Variants in RECQL5 observed in about 807,000 individuals in gnomAD.
RECQL5 encodes ATP-dependent DNA helicase Q5.
In RECQL5, 88 loss-of-function variants were observed where a neutral mutation model predicts 103.4. The ratio of observed to expected loss-of-function variants is 0.85; its 90% confidence interval spans 0.72 to 1.02. The LOEUF (loss-of-function observed/expected upper bound fraction) is 1.02. Ranked by LOEUF, RECQL5 falls within the 50% of genes least tolerant of loss-of-function variation. The probability of loss-of-function intolerance (pLI) is 0.00; values close to 1 mark genes in which losing one functional copy is unlikely to be tolerated. For missense variants in RECQL5, 1,232 were observed against 1,284.3 expected, an observed-to-expected ratio of 0.96 and a Z score of 0.62; for synonymous variants, 552 against 507.9, an observed-to-expected ratio of 1.09 and a Z score of -1.17.
At position 75,648,262 on chromosome 17, in the gene RECQL5, G is replaced by A. The variant is rs117971739; in HGVS notation, c.1229+2924C>T. 1.2e-4 allele frequency among the ~76,000 whole-genome samples: 19 copies of A among 152,182 alleles called. 1 individual carries two copies. In the East Asian group the frequency reaches 2.5e-3, roughly 20 times the overall value. ...GTCCTTCCTCATCCTTTGTATCTCC[G>A]TTTGAACCTGACTCCCTCAGGTAAA... On this transcript the variant is annotated intron_variant, in intron 8 of 19. Transcript: ENST00000317905.
intron 8 of RECQL5, chr17:75,650,646 C>A: frequency 5.0e-6 from 8 of 1,613,842 alleles, no homozygotes; most frequent in Non-Finnish European, 6.8e-6. Flanking sequence ...GCACTCACAG[C>A]TCCGCATGCC....
intron 7 of RECQL5, among the ~76,000 whole-genome samples, chr17:75,656,688 C>G (rs1195857901): frequency 6.7e-6 from 1 of 149,872 alleles, no homozygotes; most frequent in African/African-American, 2.5e-5. Flanking sequence ...CTGCTGTTGT[C>G]TTCTCTCCTA....
chr17:75,629,127 G>A lies in RECQL5; in HGVS notation c.2296C>T (p.Arg766Cys), dbSNP rs186857427. The change falls in exon 16 of 20, where the codon CGC becomes TGC. Residue 766 changes from arginine (R) to cysteine (C), a missense_variant. Coordinates refer to ENST00000317905, the MANE Select transcript of RECQL5 (RefSeq NM_004259.7). ...CTTTCCACCCTTCGGCAGAAGAAGCGGGCGATGCTCTGAGAATCCTTGTGG... is the reference window on the plus strand; with the variant it reads ...CTTTCCACCCTTCGGCAGAAGAAGCAGGCGATGCTCTGAGAATCCTTGTGG... ...AAHKDSQSIA[R>C]FFCRRVESPA... 3.7e-5 allele frequency: 59 copies of A among 1,613,766 alleles called. No individual in the cohort carries two copies. The highest frequency in any genetic ancestry group is 1.7e-4 in the Admixed American group (10 of 60,024).
intron 7 of RECQL5, among the ~76,000 whole-genome samples, chr17:75,656,424 CT>C (rs2059621374): frequency 6.6e-6 from 1 of 152,120 alleles, no homozygotes; most frequent in South Asian, 2.1e-4. Context: ...GCTTGTAACA[CT>C]TATTCCTAAG....
intron 7 of RECQL5, among the ~76,000 whole-genome samples, chr17:75,655,885 T>TTGG (rs1453739876): frequency 6.6e-6 from 1 of 151,972 alleles, no homozygotes; most frequent in Non-Finnish European, 1.5e-5. Context: ...CTTCACTATG[T>TTGG]TGGGCCGGAT....
chr17:75,633,177 G>A (rs908528704), intron 8 of RECQL5, among the ~76,000 whole-genome samples: 1 of 152,228 alleles, frequency 6.6e-6, no homozygotes, highest in African/African-American at 2.4e-5. Context: ...CCCGCACAGC[G>A]GCCGCCTGTC....
chr17:75,661,800 T>A (rs1444712641), intron 4 of RECQL5, 92 bp from the exon 5 acceptor site: 5 of 920,676 alleles, frequency 5.4e-6, no homozygotes, highest in Non-Finnish European at 8.5e-6. Flanking sequence ...AAGCTCTGTG[T>A]TCCTTCTCTC....
At chr17:75,650,537 C>A (rs1022138828) in intron 8 of RECQL5, 1 of 1,492,704 alleles carries the variant, frequency 6.7e-7, no homozygotes, top group Non-Finnish European at 9.0e-7. Context: ...GAAGCAATCA[C>A]GTCAGCGTCA....
rs1473591526 is a variant in RECQL5 at position 75,640,887 on chromosome 17, C to A, written c.1230-9219G>T. 6.5e-6 allele frequency: 10 copies of A among 1,545,486 alleles called. No homozygotes were observed. The highest frequency in any genetic ancestry group is 8.7e-6 in the Non-Finnish European group (10 of 1,146,906). On this transcript the variant is annotated intron_variant, in intron 8 of 19. Coordinates refer to ENST00000317905, the MANE Select transcript of RECQL5 (RefSeq NM_004259.7). This position sits in a 1 kb window ranked among gnomAD's most constrained non-coding sequence, Gnocchi z 4.6. ...GGCAGGAAGGTCCAGGTGCAGCCGA[C>A]ACCACCATGACGGACGGGCGATGGC...
rs187993030 is a variant in RECQL5, at chr17:75,627,174, T to C, written c.*248A>G. On this transcript the variant is annotated 3_prime_UTR_variant, in exon 20 of 20. Coordinates refer to ENST00000317905, the MANE Select transcript of RECQL5 (RefSeq NM_004259.7). ...CACCCTCCACCTTCTGTCCTCGACA[T>C]GTGTCCCAGAAAACCCAGCCATGAG... The C allele has an allele frequency of 2.6e-3, 1,580 of 617,324 alleles. 7 individuals are homozygous for C. Among genetic ancestry groups the C allele is most frequent in the Admixed American group, 3.7e-3 (174 of 47,018 alleles). The allele number at this position is 617,324 out of a possible 1,614,324, so 38.2% of individuals were successfully genotyped here.
rs765361817 is a variant in RECQL5, at chr17:75,667,135, A to C, written c.-106T>G. ...CCTATACACAACCCCAACTCAGAGA[A>C]GCCAAAGCGCTGGGAATTCAGCTTT... On this transcript the variant is annotated 5_prime_UTR_variant, in exon 1 of 20. Coordinates refer to ENST00000317905, the MANE Select transcript of RECQL5 (RefSeq NM_004259.7). 6 of 543,698 alleles carry C rather than the reference A, an allele frequency of 1.1e-5. No individual in the cohort carries two copies. Among genetic ancestry groups the C allele is most frequent in the African/African-American group, 9.5e-5 (5 of 52,552 alleles). 33.7% of individuals were successfully genotyped at this position (543,698 alleles called of 1,614,324 possible).
At chr17:75,649,798 C>T (rs1305467315) in intron 8 of RECQL5, 1 of 985,368 alleles carries the variant, frequency 1.0e-6, no homozygotes, top group Non-Finnish European at 1.2e-6. Flanking sequence ...CGAGGCTGCT[C>T]AAGAGGCAGC....
At chr17:75,641,753 A>G (rs1309963531) in intron 8 of RECQL5, among the ~76,000 whole-genome samples, 1 of 152,180 alleles carries the variant, frequency 6.6e-6, no homozygotes, top group Admixed American at 6.5e-5. Context: ...GCAGACTCAG[A>G]CCAGTGGGTC....
In RECQL5 at chr17:75,640,759, C is replaced by G. The variant is rs116346711; in HGVS notation, c.1230-9091G>C. 6.9e-5 allele frequency: 106 copies of G among 1,544,114 alleles called. No homozygotes were observed. In the African/African-American group the frequency reaches 1.2e-3, roughly 17 times the overall value. On this transcript the variant is annotated intron_variant, in intron 8 of 19. Coordinates refer to ENST00000317905, the MANE Select transcript of RECQL5 (RefSeq NM_004259.7). This position sits in a 1 kb window ranked among gnomAD's most constrained non-coding sequence, Gnocchi z 4.6. ...GGTGGGCATCCTTTCTCTCCCCCAA[C>G]CTGAGTCCCGTGCTCTCTCCCGGCC... is the stretch of plus-strand genomic sequence containing the variant.
intron 7 of RECQL5, among the ~76,000 whole-genome samples, chr17:75,656,214 T>A (rs745791048): frequency 6.6e-6 from 1 of 152,172 alleles, no homozygotes; most frequent in Non-Finnish European, 1.5e-5. Flanking sequence ...GTAGCTGGGA[T>A]TACAGGCATG....
At chr17:75,648,418 GGCTA>G in intron 8 of RECQL5, among the ~76,000 whole-genome samples, 1 of 152,170 alleles carries the variant, frequency 6.6e-6, no homozygotes, top group East Asian at 1.9e-4. Context: ...CTGTCACCCA[GGCTA>G]GAGTGCGGTG....
intron 8 of RECQL5, among the ~76,000 whole-genome samples, chr17:75,635,349 G>A (rs2059299972): frequency 6.6e-6 from 1 of 152,194 alleles, no homozygotes; most frequent in Non-Finnish European, 1.5e-5. Flanking sequence ...AGGCAGGCAG[G>A]TGGGGATCCC....
Position 75,662,960 on chromosome 17 carries a change from ACT to A in RECQL5, c.288_289del (p.Val97LysfsTer18). The stretch of plus-strand genomic sequence containing the variant: ...AGAGAGCTTCGAGTTCAGGGAACTT[ACT>A]CGTACCTTTAGGGTTAGCAAGTGGT... On this transcript the variant is annotated frameshift_variant, in exon 4 of 20. Transcript: ENST00000317905. LOFTEE classifies it high-confidence loss of function. The A allele has an allele frequency of 1.9e-6, 3 of 1,613,068 alleles. No homozygotes were observed. The highest frequency in any genetic ancestry group is 2.5e-6 in the Non-Finnish European group (3 of 1,179,576).
chr17:75,650,902 G>A, intron 8 of RECQL5: 7 of 1,444,856 alleles, frequency 4.8e-6, no homozygotes, highest in Non-Finnish European at 6.3e-6. Flanking sequence ...CACATCCCTT[G>A]GAACTGAGTG....
Sources: allele counts gnomAD v4.1 joint callset (sites outside exome capture counted in the v4.1 genomes callset), GRCh38; gene constraint gnomAD v4.1.1; non-coding constraint Gnocchi (gnomAD v3.1); transcripts MANE v1.5; gene names NCBI Gene and HGNC (gene_info 2026-07-23, HGNC 2026-07-21).